PHACTR1: variants seen among roughly 807,000 people sequenced by gnomAD.
The protein encoded by PHACTR1 is RPEL repeat containing 1.
A neutral mutation model predicts 69.2 loss-of-function variants in PHACTR1; 16 were observed. The ratio of observed to expected loss-of-function variants is 0.23; its 90% CI spans 0.16 to 0.35. The LOEUF (loss-of-function observed/expected upper bound fraction) is 0.35. PHACTR1 is among the 10% of genes least tolerant of loss of function. The pLI, the probability that PHACTR1 is intolerant of heterozygous loss-of-function variation, is 1.00. For missense variants in PHACTR1, 510 were observed against 734.7 expected, an observed-to-expected ratio of 0.69 and a Z score of 3.54; for synonymous variants, 312 against 284.5, an observed-to-expected ratio of 1.10 and a Z score of -0.97.
chr6:12,895,182 T>C (rs1033279878), intron 4 of PHACTR1, among the ~76,000 whole-genome samples: 4 of 143,778 alleles, frequency 2.8e-5, no homozygotes, highest in East Asian at 2.1e-4. Context: ...TTTTTCTTTT[T>C]TTTTTTTTTT....
intron 4 of PHACTR1, among the ~76,000 whole-genome samples, chr6:13,045,065 CTCCTATGACTTTAGT>C (rs1337667886): frequency 6.6e-6 from 1 of 152,166 alleles, no homozygotes. Flanking sequence ...CCCTGAAGCC[CTCCTATGACTTTAGT>C]GAGTAATACA....
At chr6:13,012,755 T>C (rs1799586161) in intron 4 of PHACTR1, among the ~76,000 whole-genome samples, 2 of 152,242 alleles carry the variant, frequency 1.3e-5, no homozygotes, top group Non-Finnish European at 2.9e-5. Context: ...TAAAAGGTGA[T>C]ATCGGACTGG....
At chr6:13,064,588 ATATATATATATATATATCTATATATC>A (rs1285694431) in intron 5 of PHACTR1, among the ~76,000 whole-genome samples, 393 of 8,472 alleles carry the variant, frequency 0.046, 28 homozygotes, top group South Asian at 0.1. Flanking sequence ...ATATATATAT[ATATATATATATATATATCTATATATC>A]TATCTATCCA....
chr6:13,180,701 A>G (rs563646360), intron 6 of PHACTR1, among the ~76,000 whole-genome samples: 1 of 152,302 alleles, frequency 6.6e-6, no homozygotes, highest in East Asian at 1.9e-4. Context: ...CAGCTGCATC[A>G]TTATTCCACC....
At chr6:12,736,935 A>G (rs1011446644) in intron 3 of PHACTR1, among the ~76,000 whole-genome samples, 1 of 152,106 alleles carries the variant, frequency 6.6e-6, no homozygotes, top group Non-Finnish European at 1.5e-5. Flanking sequence ...CTGTGTGTAC[A>G]TACGCACATA....
chr6:12,954,690 G>T (rs772007017), intron 4 of PHACTR1, among the ~76,000 whole-genome samples: 3 of 152,160 alleles, frequency 2.0e-5, no homozygotes, highest in Non-Finnish European at 2.9e-5. Context: ...TCCTCTAGTG[G>T]CAAGAAAGAA....
At chr6:12,862,272 T>C (rs1166499114) in intron 4 of PHACTR1, among the ~76,000 whole-genome samples, 3 of 152,118 alleles carry the variant, frequency 2.0e-5, no homozygotes, top group African/African-American at 7.2e-5. Context: ...TCAGCATGAG[T>C]TGCATGGTTG....
intron 4 of PHACTR1, among the ~76,000 whole-genome samples, chr6:12,992,234 T>C (rs1309891178): frequency 3.3e-5 from 5 of 152,242 alleles, no homozygotes; most frequent in African/African-American, 1.2e-4. Context: ...GAAAATGAAG[T>C]CCCTTCATGG....
At chr6:13,107,707 T>A (rs1234344585) in intron 5 of PHACTR1, among the ~76,000 whole-genome samples, 1 of 152,190 alleles carries the variant, frequency 6.6e-6, no homozygotes, top group African/African-American at 2.4e-5. Context: ...GTATCAGTAG[T>A]GATGTCCCTT....
chr6:13,155,963 A>G (rs1402969122), intron 5 of PHACTR1, among the ~76,000 whole-genome samples: 1 of 151,998 alleles, frequency 6.6e-6, no homozygotes, highest in Non-Finnish European at 1.5e-5. Context: ...ATGTCACTTT[A>G]CTATGACTTT....
intron 5 of PHACTR1, among the ~76,000 whole-genome samples, chr6:13,063,773 CT>C (rs1402601502): frequency 6.7e-6 from 1 of 149,806 alleles, no homozygotes; most frequent in East Asian, 1.9e-4. Context: ...GAGTGAGACC[CT>C]GTCTGAAAAA....
At chr6:12,872,951 TCTC>T (rs927377302) in intron 4 of PHACTR1, among the ~76,000 whole-genome samples, 15 of 152,090 alleles carry the variant, frequency 9.9e-5, no homozygotes, top group African/African-American at 3.6e-4. Flanking sequence ...TCTTTCTCGT[TCTC>T]CTTCCTTCCT....
At chr6:12,822,101 G>C (rs1277636694) in intron 4 of PHACTR1, among the ~76,000 whole-genome samples, 1 of 152,294 alleles carries the variant, frequency 6.6e-6, no homozygotes, top group South Asian at 2.1e-4. Flanking sequence ...GAAGACTCTG[G>C]GCTGCTGGAG....
Position 12,749,657 on chromosome 6 carries a change from C to G in PHACTR1, c.117C>G (p.Thr39=), listed in dbSNP as rs770932584. 1 of 1,611,134 alleles carries G rather than the reference C, an allele frequency of 6.2e-7. No individual in the cohort carries two copies. Among genetic ancestry groups the G allele is most frequent in the East Asian group, 2.2e-5 (1 of 44,678 alleles). The part of the protein sequence containing the change: ...YSQGAQARRA[T]LLLPPTLMAA... ...TCTCCCTCTCAGCTCGCCGGGCGAC[C>G]CTGCTCCTGCCTCCCACATTAATGG... Residue 39 remains threonine (T), a synonymous_variant, in exon 4 of 15, where the codon ACC becomes ACG. Coordinates refer to ENST00000332995, the MANE Select transcript of PHACTR1 (RefSeq NM_030948.6).
intron 6 of PHACTR1, among the ~76,000 whole-genome samples, chr6:13,162,984 G>A (rs1429903896): frequency 6.6e-6 from 1 of 152,136 alleles, no homozygotes; most frequent in Non-Finnish European, 1.5e-5. Flanking sequence ...GGTGTCTCAC[G>A]CCTGTAATCC....
chr6:13,070,163 C>A (rs1043086905), intron 5 of PHACTR1, among the ~76,000 whole-genome samples: 2 of 152,224 alleles, frequency 1.3e-5, no homozygotes, highest in African/African-American at 4.8e-5. Flanking sequence ...GCCTCAATTT[C>A]ATTTCCTTAT....
At chr6:12,930,947 A>T (rs1467112907) in intron 4 of PHACTR1, among the ~76,000 whole-genome samples, 1 of 150,970 alleles carries the variant, frequency 6.6e-6, no homozygotes, top group Admixed American at 6.6e-5. Flanking sequence ...GCTACTCAGG[A>T]AAGCTGAGGC....
At chr6:12,993,707 A>C (rs182844120) in intron 4 of PHACTR1, among the ~76,000 whole-genome samples, 1 of 152,356 alleles carries the variant, frequency 6.6e-6, no homozygotes, top group African/African-American at 2.4e-5. Flanking sequence ...AGAGGCAGGA[A>C]ATTCCCTATG....
At chr6:12,773,538 T>G (rs1769655539) in intron 4 of PHACTR1, among the ~76,000 whole-genome samples, 2 of 152,168 alleles carry the variant, frequency 1.3e-5, no homozygotes, top group South Asian at 4.1e-4. Flanking sequence ...AAGTCATACT[T>G]GAAAAACACA....
Sources: gnomAD v4.1 joint callset for allele counts (sites outside exome capture counted in the v4.1 genomes callset) on GRCh38, gnomAD v4.1.1 for gene constraint, MANE v1.5 for transcripts, NCBI Gene and HGNC (gene_info 2026-07-23, HGNC 2026-07-21) for gene names.